Variants in NKAIN3 observed in about 807,000 individuals in gnomAD.
NKAIN3 encodes the protein sodium/potassium-transporting ATPase subunit beta-1-interacting protein 3.
Under a neutral mutation model 30.2 loss-of-function variants are expected in NKAIN3, and 25 were observed. The observed-to-expected ratio is 0.83, with a 90% CI of 0.60 to 1.16. The LOEUF is 1.16. Among genes scored for constraint, NKAIN3 ranks in the 50% most tolerant of loss-of-function variants. The probability of loss-of-function intolerance (pLI) is 0.00; values close to 1 mark genes in which losing one functional copy is unlikely to be tolerated. For missense variants in NKAIN3, 225 were observed against 254.1 expected (o/e 0.89, Z 0.78); for synonymous variants, 91 against 89.6 (o/e 1.02, Z -0.09).
At chr8:62,986,473 G>A (rs1563655703), downstream of NKAIN3, among the ~76,000 whole-genome samples, 1 of 152,034 alleles carries the variant, frequency 6.6e-6, no homozygotes. Flanking sequence ...TCATTCACTG[G>A]CTTCAGGTCT....
chr8:62,973,258 A>G lies in NKAIN3; in HGVS notation c.*7851A>G, dbSNP rs1823872498. ...GAGGAATTGCCACACTGTCATCCAC[A>G]ATGGTTGAAGTAAATTACACTCCCA... On this transcript the variant is annotated 3_prime_UTR_variant, in exon 7 of 7. Transcript: ENST00000623646. Among the ~76,000 whole-genome samples, 2 of 152,216 alleles carry G rather than the reference A, an allele frequency of 1.3e-5. No individual in the cohort carries two copies. Among genetic ancestry groups the G allele is most frequent in the African/African-American group, 2.4e-5 (1 of 41,452 alleles).
intron 1 of NKAIN3, among the ~76,000 whole-genome samples, chr8:62,526,679 A>G (rs571759750): frequency 2.6e-5 from 4 of 152,218 alleles, no homozygotes; most frequent in African/African-American, 9.6e-5. Flanking sequence ...ACAGAATTAC[A>G]GAACATTAGA....
At chr8:62,423,693 T>C (rs1181689725) in intron 1 of NKAIN3, among the ~76,000 whole-genome samples, 1 of 151,984 alleles carries the variant, frequency 6.6e-6, no homozygotes, top group East Asian at 1.9e-4. Context: ...AAATACTTTT[T>C]CTCAATTCTC....
At chr8:62,411,435 C>G (rs566845715) in intron 1 of NKAIN3, among the ~76,000 whole-genome samples, 2 of 152,260 alleles carry the variant, frequency 1.3e-5, no homozygotes, top group East Asian at 1.9e-4. Context: ...AAACCTACAG[C>G]CAACATCATA....
chr8:62,883,709 C>A (rs1310226410), intron 4 of NKAIN3, among the ~76,000 whole-genome samples: 1 of 151,590 alleles, frequency 6.6e-6, no homozygotes, highest in Non-Finnish European at 1.5e-5. Context: ...ATGTTTTTTG[C>A]CAAGTTGATT....
At chr8:62,987,001 A>G (rs1824213987), downstream of NKAIN3, among the ~76,000 whole-genome samples, 1 of 152,170 alleles carries the variant, frequency 6.6e-6, no homozygotes, top group African/African-American at 2.4e-5. Context: ...GGAGCTCTTC[A>G]TGTATAATGG....
At chr8:62,635,113 C>T (rs534696459) in intron 3 of NKAIN3, among the ~76,000 whole-genome samples, 5 of 152,156 alleles carry the variant, frequency 3.3e-5, no homozygotes, top group South Asian at 2.1e-4. Flanking sequence ...AGACCTTAGG[C>T]ACTGGAGGGA....
intron 1 of NKAIN3, among the ~76,000 whole-genome samples, chr8:62,302,305 T>G (rs1814076343): frequency 6.6e-6 from 1 of 152,062 alleles, no homozygotes; most frequent in Admixed American, 6.6e-5. Context: ...ACATTCTTTC[T>G]TCTTACCTCA....
intron 1 of NKAIN3, among the ~76,000 whole-genome samples, chr8:62,260,498 A>G (rs756587835): frequency 6.6e-6 from 1 of 152,234 alleles, no homozygotes; most frequent in Admixed American, 6.5e-5. Context: ...GAAATCATCT[A>G]GAGCCATTGT....
chr8:62,633,699 G>C (rs1250727409), intron 3 of NKAIN3, among the ~76,000 whole-genome samples: 3 of 152,160 alleles, frequency 2.0e-5, no homozygotes, highest in African/African-American at 7.2e-5. Context: ...ATGCCACGCT[G>C]TCTGTCATGG....
At chr8:62,751,338 G>A (rs544194255) in intron 4 of NKAIN3, among the ~76,000 whole-genome samples, 2 of 152,260 alleles carry the variant, frequency 1.3e-5, no homozygotes, top group African/African-American at 4.8e-5. Flanking sequence ...TACTTGGTTC[G>A]AAAACATACA....
Position 62,979,987 on chromosome 8 carries a change from T to C in NKAIN3, c.*14580T>C, listed in dbSNP as rs1375559667. ...GCCTAGCTTTTGTCTTGTCTTTGCT[T>C]TTTATTCATCTTTGCTTTTGTCTTC... On this transcript the variant is annotated 3_prime_UTR_variant, in exon 7 of 7. Transcript: ENST00000623646. The C allele has an allele frequency of 2.6e-5, 4 of 152,250 alleles. No homozygotes were observed. Among genetic ancestry groups the C allele is most frequent in the African/African-American group, 9.7e-5 (4 of 41,442 alleles). 9.4% of individuals were successfully genotyped at this position (152,250 alleles called of 1,614,324 possible). A position where few individuals can be genotyped will look rare whatever the true frequency, so the allele number is the denominator to read the frequency against.
intron 4 of NKAIN3, among the ~76,000 whole-genome samples, chr8:62,812,782 C>T (rs548897204): frequency 6.6e-6 from 1 of 151,938 alleles, no homozygotes; most frequent in African/African-American, 2.4e-5. Context: ...ATTTTCCTCC[C>T]TGAATGATAA....
At chr8:62,878,740 C>G (rs1820879770) in intron 4 of NKAIN3, among the ~76,000 whole-genome samples, 1 of 148,514 alleles carries the variant, frequency 6.7e-6, no homozygotes, top group Admixed American at 6.9e-5. Flanking sequence ...CAATTCCCAC[C>G]TATGAGTGAG....
rs73267393 is a variant in NKAIN3 at position 62,521,681 on chromosome 8, G to T, written c.55-57858G>T. ...AAAGAGCATCTTGGATCTGGACCTG[G>T]ATTGCAGCATCTGGCTCTCTACAAT... On this transcript the variant is annotated intron_variant, in intron 1 of 6. Transcript: ENST00000623646. Among the ~76,000 whole-genome samples, 1,143 of 152,248 alleles carry T rather than the reference G, an allele frequency of 7.5e-3. 13 individuals are homozygous for T. The highest frequency in any genetic ancestry group is 0.026 in the African/African-American group (1,085 of 41,550).
chr8:62,904,525 G>A (rs1204160742), intron 4 of NKAIN3, among the ~76,000 whole-genome samples: 1 of 152,150 alleles, frequency 6.6e-6, no homozygotes, highest in Non-Finnish European at 1.5e-5. Context: ...GCAAAAATCT[G>A]GAGAACTTAT....
At chr8:62,475,304 C>A (rs1488364708) in intron 1 of NKAIN3, among the ~76,000 whole-genome samples, 1 of 152,122 alleles carries the variant, frequency 6.6e-6, no homozygotes, top group Non-Finnish European at 1.5e-5. Context: ...TTATTACTAT[C>A]TCTATCTTTG....
intron 1 of NKAIN3, among the ~76,000 whole-genome samples, chr8:62,500,889 C>T (rs1807427922): frequency 6.6e-6 from 1 of 152,046 alleles, no homozygotes. Context: ...GATCCTGGCC[C>T]AATGTTCACC....
intron 1 of NKAIN3, among the ~76,000 whole-genome samples, chr8:62,390,414 T>C (rs936578319): frequency 6.6e-6 from 1 of 152,212 alleles, no homozygotes; most frequent in African/African-American, 2.4e-5. Context: ...CCATGGTGTA[T>C]ATGTACAACA....
Sources: gnomAD v4.1 joint callset for allele counts (sites outside exome capture counted in the v4.1 genomes callset) on GRCh38, gnomAD v4.1.1 for gene constraint, MANE v1.5 for transcripts, NCBI Gene and HGNC (gene_info 2026-07-23, HGNC 2026-07-21) for gene names.